The following NTN1 variants were observed in gnomAD, a reference collection of about 807,000 sequenced individuals.
The protein encoded by NTN1 is netrin-1.
Under a neutral mutation model 54.2 loss-of-function variants are expected in NTN1, and 11 were observed. The observed-to-expected ratio is 0.20, with a 90% CI of 0.13 to 0.34. NTN1 has a LOEUF of 0.34. NTN1 is among the 10% of genes least tolerant of loss of function. The pLI is 1.00. For synonymous variants in NTN1, 371 were observed against 382.0 expected (o/e 0.97, Z 0.33); for missense variants, 740 against 893.1 (o/e 0.83, Z 2.18).
chr17:9,072,907 G>A (rs1211546172), intron 2 of NTN1, among the ~76,000 whole-genome samples: 1 of 152,172 alleles, frequency 6.6e-6, no homozygotes, highest in Non-Finnish European at 1.5e-5. Context: ...TGGCAATCCG[G>A]AATGGGACTG....
chr17:9,114,365 AG>A (rs1389525573), intron 2 of NTN1, among the ~76,000 whole-genome samples: 1 of 151,342 alleles, frequency 6.6e-6, no homozygotes, highest in African/African-American at 2.4e-5. Flanking sequence ...GGTATATAAA[AG>A]TTACTTTTAA....
intron 2 of NTN1, among the ~76,000 whole-genome samples, chr17:9,147,644 C>T (rs928056783): frequency 2.0e-5 from 3 of 152,186 alleles, no homozygotes; most frequent in Admixed American, 1.3e-4. Flanking sequence ...CACCTCCTCC[C>T]CAGAGCCGGA....
At chr17:9,172,792 A>C (rs1243169410) in intron 3 of NTN1, 1 of 150,992 alleles carries the variant, frequency 6.6e-6, no homozygotes, top group Non-Finnish European at 1.5e-5. Context: ...CGGGTAGATC[A>C]CCTGAGGTCA....
At chr17:9,228,712 G>T (rs1029541655) in intron 6 of NTN1, among the ~76,000 whole-genome samples, 2 of 152,152 alleles carry the variant, frequency 1.3e-5, no homozygotes, top group African/African-American at 4.8e-5. Flanking sequence ...CTCACAGGAC[G>T]ATTTGTCTCA....
chr17:9,162,779 T>C (rs1272339441), intron 2 of NTN1, 34 bp from the exon 3 acceptor site: 1 of 1,580,368 alleles, frequency 6.3e-7, no homozygotes, highest in Admixed American at 1.7e-5. Flanking sequence ...CCCGCGCCCC[T>C]GCGGCTGACA....
intron 2 of NTN1, among the ~76,000 whole-genome samples, chr17:9,152,416 G>C (rs8182363): frequency 1.6e-4 from 24 of 152,314 alleles, no homozygotes; most frequent in African/African-American, 5.8e-4. Context: ...GTGGTCATCA[G>C]TCCTGTTGGC....
chr17:9,170,261 T>C (rs775462012), intron 3 of NTN1, among the ~76,000 whole-genome samples: 2 of 152,210 alleles, frequency 1.3e-5, no homozygotes, highest in African/African-American at 2.4e-5. Flanking sequence ...AATGAGATGA[T>C]GTGGAGGATG....
At chr17:9,235,721 G>C (rs971933688) in intron 6 of NTN1, among the ~76,000 whole-genome samples, 1 of 151,204 alleles carries the variant, frequency 6.6e-6, no homozygotes, top group Non-Finnish European at 1.5e-5. Context: ...ACTAGCTGCA[G>C]CCTCTTCTTC....
intron 2 of NTN1, among the ~76,000 whole-genome samples, chr17:9,084,916 G>A (rs995247483): frequency 6.6e-6 from 1 of 152,086 alleles, no homozygotes; most frequent in African/African-American, 2.4e-5. Flanking sequence ...CTCCCAAAGT[G>A]CTGGATTACA....
chr17:9,154,466 T>C (rs892624338), intron 2 of NTN1, among the ~76,000 whole-genome samples: 1 of 152,266 alleles, frequency 6.6e-6, no homozygotes, highest in Non-Finnish European at 1.5e-5. Flanking sequence ...CCAGCTCACC[T>C]GTAGACACAA....
At chr17:9,168,275 G>C (rs2092378201) in intron 3 of NTN1, among the ~76,000 whole-genome samples, 1 of 152,240 alleles carries the variant, frequency 6.6e-6, no homozygotes, top group Non-Finnish European at 1.5e-5. Context: ...GCTCATGCCT[G>C]TAATCCCAAC....
At chr17:9,231,880 A>C (rs1032987628) in intron 6 of NTN1, among the ~76,000 whole-genome samples, 4 of 152,078 alleles carry the variant, frequency 2.6e-5, no homozygotes, top group African/African-American at 9.7e-5. Context: ...CTGGGCCCCC[A>C]TTGCTGCTGA....
At chr17:9,155,381 G>A (rs550119828) in intron 2 of NTN1, among the ~76,000 whole-genome samples, 1 of 145,282 alleles carries the variant, frequency 6.9e-6, no homozygotes, top group South Asian at 2.2e-4. Flanking sequence ...TGCTCTTGTC[G>A]CCCAGGCTGG....
At chr17:9,089,140 C>T (rs116704609) in intron 2 of NTN1, among the ~76,000 whole-genome samples, 5,149 of 152,188 alleles carry the variant, frequency 0.034, 100 homozygotes, top group Middle Eastern at 0.051. Flanking sequence ...GTGCCAGGCG[C>T]GGTGGCTCAC....
At position 9,022,992 on chromosome 17, in the gene NTN1, C is replaced by G. The variant is rs1332287834; in HGVS notation, c.619C>G (p.His207Asp). The G allele has an allele frequency of 1.2e-6, 2 of 1,609,858 alleles. No homozygotes were observed. The highest frequency in any genetic ancestry group is 1.7e-6 in the Non-Finnish European group (2 of 1,179,044). ...GCAGGAGGCCGTGTGCACCGACTCG[C>G]ACACCGACATGCGCCCGCTCTCGGG... ...NEQEAVCTDSHTDMRPLSGGL... is the reference protein window; with the variant it reads ...NEQEAVCTDSDTDMRPLSGGL... Residue 207 changes from histidine to aspartate, a missense_variant, in exon 2 of 7, where the codon CAC becomes GAC. His to Asp is a moderately conservative substitution (Grantham distance 81). Transcript: ENST00000173229.
intron 2 of NTN1, among the ~76,000 whole-genome samples, chr17:9,071,585 G>A (rs74387138): frequency 0.02 from 2,983 of 152,304 alleles, 36 homozygotes; most frequent in Non-Finnish European, 0.03. Context: ...GAAGCCAAAG[G>A]ACTTGGCTCA....
intron 5 of NTN1, among the ~76,000 whole-genome samples, chr17:9,215,246 T>A (rs1305257814): frequency 8.8e-6 from 1 of 113,024 alleles, no homozygotes; most frequent in African/African-American, 3.5e-5. Flanking sequence ...CATAGCTAGA[T>A]AGATACACAC....
intron 2 of NTN1, among the ~76,000 whole-genome samples, chr17:9,047,181 G>T (rs2142195599): frequency 6.6e-6 from 1 of 152,330 alleles, no homozygotes; most frequent in Non-Finnish European, 1.5e-5. Context: ...TAATCAGGGT[G>T]GTGGTTGCTA....
At chr17:9,089,363 C>T (rs1259278389) in intron 2 of NTN1, among the ~76,000 whole-genome samples, 2 of 151,454 alleles carry the variant, frequency 1.3e-5, no homozygotes, top group Non-Finnish European at 2.9e-5. Flanking sequence ...TGCAGTGAGC[C>T]GAGATTGTGC....
Sources: gnomAD v4.1 joint callset for allele counts (sites outside exome capture counted in the v4.1 genomes callset) on GRCh38, gnomAD v4.1.1 for gene constraint, MANE v1.5 for transcripts, NCBI Gene and HGNC (gene_info 2026-07-23, HGNC 2026-07-21) for gene names.